Variants in FBN2 observed in about 807,000 individuals in gnomAD.
The protein encoded by FBN2 is fibrillin-2.
A neutral mutation model predicts 355.6 loss-of-function variants in FBN2; 105 were observed. The ratio of observed to expected loss-of-function variants is 0.30; its 90% CI spans 0.25 to 0.35. The LOEUF (loss-of-function observed/expected upper bound fraction) is 0.35. FBN2 is among the 10% of genes least tolerant of loss of function. The pLI is 1.00. For synonymous variants in FBN2, 1,350 were observed against 1,301.2 expected (o/e 1.04, Z -0.81); for missense variants, 3,280 against 3,758.7 (o/e 0.87, Z 3.33).
At chr5:128,476,595 T>TA (rs1176268191) in intron 5 of FBN2, among the ~76,000 whole-genome samples, 1 of 151,384 alleles carries the variant, frequency 6.6e-6, no homozygotes, top group African/African-American at 2.4e-5. Context: ...TTTATCTAAC[T>TA]AAAAAATATA....
chr5:128,471,304 C>T (rs537953702), intron 5 of FBN2, among the ~76,000 whole-genome samples: 36 of 151,956 alleles, frequency 2.4e-4, no homozygotes, highest in Non-Finnish European at 4.1e-4. Context: ...AATCTCTAAT[C>T]ACAGATATAA....
At chr5:128,414,610 T>G (rs1753149441) in intron 7 of FBN2, among the ~76,000 whole-genome samples, 1 of 152,194 alleles carries the variant, frequency 6.6e-6, no homozygotes, top group Non-Finnish European at 1.5e-5. Context: ...ATTCATTTTG[T>G]GTAGACATAT....
Position 128,300,856 on chromosome 5 carries a change from A to C in FBN2, c.6127T>G (p.Cys2043Gly). The change falls in exon 48 of 65, where the codon TGT becomes GGT. Residue 2043 changes from cysteine to glycine, a missense_variant. Cys to Gly is a radical substitution (Grantham distance 159). Around this residue, in one of 6 missense-constraint regions of FBN2, gnomAD observed 2,284 missense variants for 2,749.5 expected, o/e 0.83. Coordinates refer to ENST00000262464, the MANE Select transcript of FBN2 (RefSeq NM_001999.4). Reference sequence around the variant, plus strand: ...CTTTTTACTTCATACCCTGGGGGACAGATGCATCTGAAGGATCCCTCCAAA... The same window carrying C: ...CTTTTTACTTCATACCCTGGGGGACCGATGCATCTGAAGGATCCCTCCAAA... ...QNLEGSFRCI[C>G]PPGYEVKSEN... The C allele has an allele frequency of 6.2e-7, 1 of 1,614,026 alleles. No individual in the cohort carries two copies. The highest frequency in any genetic ancestry group is 1.3e-5 in the African/African-American group (1 of 75,050).
intron 4 of FBN2, among the ~76,000 whole-genome samples, chr5:128,522,405 T>C (rs1352703339): frequency 6.6e-6 from 1 of 152,126 alleles, no homozygotes; most frequent in Non-Finnish European, 1.5e-5. Flanking sequence ...CCACACCACC[T>C]CTCTGATTCT....
At chr5:128,341,502 T>C (rs75641268) in intron 25 of FBN2, among the ~76,000 whole-genome samples, 12,360 of 152,202 alleles carry the variant, frequency 0.081, 698 homozygotes, top group Admixed American at 0.18. Flanking sequence ...GTAGTGTCGC[T>C]GGCAGAAAGC....
At chr5:128,343,294 A>C (rs1751078266) in intron 25 of FBN2, among the ~76,000 whole-genome samples, 1 of 152,188 alleles carries the variant, frequency 6.6e-6, no homozygotes, top group South Asian at 2.1e-4. Context: ...CTCCCAGCCA[A>C]GTGCAACAGC....
intron 55 of FBN2, among the ~76,000 whole-genome samples, chr5:128,284,514 G>A (rs1460719244): frequency 6.6e-6 from 1 of 152,114 alleles, no homozygotes; most frequent in African/African-American, 2.4e-5. Context: ...ACTCATCTTT[G>A]AACAATTTTC....
chr5:128,328,419 TA>T, intron 34 of FBN2: 1 of 603,036 alleles, frequency 1.7e-6, no homozygotes, highest in Non-Finnish European at 2.9e-6. Context: ...CATTTAGTGA[TA>T]AAAAAGAGAA....
In FBN2 at chr5:128,365,848, A is replaced by C. The variant is rs541667731; in HGVS notation, c.2302+529T>G. Among the ~76,000 whole-genome samples the C allele has an allele frequency of 2.0e-5, 3 of 151,916 alleles. No individual in the cohort carries two copies. The South Asian group carries it at 6.2e-4, about 32-fold the overall frequency. On this transcript the variant is annotated intron_variant, in intron 17 of 64. Transcript: ENST00000262464. ...AAGATTCTATATTGGAATTTTGTTA[A>C]CCATAATACAAAATTGAAAGCAAGA...
intron 6 of FBN2, among the ~76,000 whole-genome samples, chr5:128,456,084 C>T (rs957622139): frequency 6.9e-6 from 1 of 144,746 alleles, no homozygotes; most frequent in Admixed American, 7.0e-5. Flanking sequence ...ATTTCTATAG[C>T]TCCCGGCTGT....
chr5:128,331,567 G>A (rs1278922949), intron 32 of FBN2, among the ~76,000 whole-genome samples: 1 of 152,164 alleles, frequency 6.6e-6, no homozygotes, highest in East Asian at 1.9e-4. Flanking sequence ...TGAAGAGATC[G>A]AATCCATGGT....
intron 5 of FBN2, among the ~76,000 whole-genome samples, chr5:128,478,401 T>A (rs1223812064): frequency 6.6e-6 from 1 of 152,218 alleles, no homozygotes; most frequent in Non-Finnish European, 1.5e-5. Flanking sequence ...TTCAGAAATG[T>A]ATTGTTATTT....
chr5:128,421,541 A>C (rs970067663), intron 7 of FBN2, among the ~76,000 whole-genome samples: 9 of 152,194 alleles, frequency 5.9e-5, no homozygotes, highest in Admixed American at 2.0e-4. Flanking sequence ...AATATCTAAA[A>C]ATTGTTGACT....
At chr5:128,427,307 A>C (rs2127024845) in intron 7 of FBN2, among the ~76,000 whole-genome samples, 1 of 152,334 alleles carries the variant, frequency 6.6e-6, no homozygotes, top group South Asian at 2.1e-4. Context: ...AGAAGGTAAT[A>C]GTAGCTTAAA....
intron 32 of FBN2, among the ~76,000 whole-genome samples, chr5:128,331,784 A>G (rs1750699381): frequency 1.3e-5 from 2 of 152,166 alleles, no homozygotes; most frequent in Admixed American, 1.3e-4. Flanking sequence ...GACATCCTGG[A>G]GCACAGGAGG....
chr5:128,531,038 C>A (rs115989513), intron 2 of FBN2, among the ~76,000 whole-genome samples: 2 of 151,956 alleles, frequency 1.3e-5, no homozygotes, highest in Non-Finnish European at 2.9e-5. Flanking sequence ...AGTCATTATT[C>A]GAAAAAGATA....
At chr5:128,284,108 G>T (rs1213187904) in intron 55 of FBN2, among the ~76,000 whole-genome samples, 1 of 152,138 alleles carries the variant, frequency 6.6e-6, no homozygotes, top group Non-Finnish European at 1.5e-5. Flanking sequence ...CTATAAGGCA[G>T]CCAGATATCT....
chr5:128,477,567 G>A lies in FBN2; in HGVS notation c.629-12646C>T, dbSNP rs145453045. ...ACAACTACACAACCATGAAGTTTGC[G>A]TAGTACTTTATAGCCATCATTTTAC... On this transcript the variant is annotated intron_variant, in intron 5 of 64. Transcript: ENST00000262464. Among the ~76,000 whole-genome samples the A allele has an allele frequency of 3.4e-3, 520 of 152,158 alleles. 2 individuals are homozygous for A. Among genetic ancestry groups the A allele is most frequent in the African/African-American group, 7.0e-3 (290 of 41,522 alleles).
chr5:128,458,958 T>C (rs1308504689), intron 6 of FBN2, among the ~76,000 whole-genome samples: 7 of 147,804 alleles, frequency 4.7e-5, no homozygotes, highest in African/African-American at 1.0e-4. Flanking sequence ...CAGAGAAGAA[T>C]TGAAGGAGTT....
Sources: allele counts gnomAD v4.1 joint callset (sites outside exome capture counted in the v4.1 genomes callset), GRCh38; gene constraint gnomAD v4.1.1; regional missense constraint gnomAD v4.1.1; transcripts MANE v1.5; gene names NCBI Gene and HGNC (gene_info 2026-07-23, HGNC 2026-07-21).